The following WNT10A variants were observed in gnomAD, a reference collection of about 807,000 sequenced individuals.
WNT10A encodes the protein protein Wnt-10a.
A neutral mutation model predicts 36.1 loss-of-function variants in WNT10A; 37 were observed. The ratio of observed to expected loss-of-function variants is 1.02; its 90% CI spans 0.79 to 1.35. The LOEUF is 1.35. Ranked by LOEUF, WNT10A falls within the 40% of genes most tolerant of loss-of-function variation. The pLI is 0.00. For synonymous variants in WNT10A, 255 were observed against 254.1 expected, an observed-to-expected ratio of 1.00 and a Z score of -0.03; for missense variants, 613 against 601.4, an observed-to-expected ratio of 1.02 and a Z score of -0.20.
At chr2:218,880,687 G>T (rs942978860), upstream of WNT10A, 4 of 311,138 alleles carry the variant, frequency 1.3e-5, no homozygotes, top group African/African-American at 6.7e-5. The surrounding 1 kb of genome is among the most constrained non-coding windows in gnomAD (Gnocchi z 7.7). Context: ...GCACCTCCGG[G>T]CCCCCCTTAC....
In WNT10A at chr2:218,882,157, G is replaced by A; in HGVS notation, c.114-4G>A. On this transcript the variant is annotated splice_polypyrimidine_tract_variant and splice_region_variant and intron_variant, in intron 1 of 3. Coordinates refer to ENST00000258411, the MANE Select transcript of WNT10A (RefSeq NM_025216.3). ...CGTACCCACTCCACCCCATATGTCT[G>A]CAGGTCAGCACCCAATGACATTCTG... 6.2e-7 allele frequency: 1 copy of A among 1,613,928 alleles called. No individual in the cohort carries two copies.
intron 2 of WNT10A, among the ~76,000 whole-genome samples, chr2:218,883,051 T>G (rs1260543732): frequency 6.6e-6 from 1 of 152,178 alleles, no homozygotes; most frequent in Non-Finnish European, 1.5e-5. Context: ...CCCTAACAGC[T>G]CAGAGAAGCT....
chr2:218,885,704 G>A (rs1472604858), intron 2 of WNT10A, among the ~76,000 whole-genome samples: 2 of 152,202 alleles, frequency 1.3e-5, no homozygotes, highest in East Asian at 3.8e-4. Context: ...GCTCTCCACA[G>A]CCCCGGCCCA....
chr2:218,879,067 T>TG, upstream of WNT10A, among the ~76,000 whole-genome samples: 3 of 139,080 alleles, frequency 2.2e-5, no homozygotes, highest in South Asian at 2.3e-4. Flanking sequence ...GCCAGACTGC[T>TG]CCCCCCCCAC....
chr2:218,882,214 A>G lies in WNT10A; in HGVS notation c.167A>G (p.Asn56Ser), dbSNP rs1481386773. 1.9e-6 allele frequency: 3 copies of G among 1,614,164 alleles called. No homozygotes were observed. The highest frequency in any genetic ancestry group is 1.6e-4 in the Middle Eastern group (1 of 6,062). ...CGCCTCCCCCCGGAGCCCGTGCTCAATGCCAACACAGTGTGCCTAACATTG... is the reference window on the plus strand; with the variant it reads ...CGCCTCCCCCCGGAGCCCGTGCTCAGTGCCAACACAGTGTGCCTAACATTG... ...DLRLPPEPVLNANTVCLTLPG... is the reference protein window; with the variant it reads ...DLRLPPEPVLSANTVCLTLPG... The change falls in exon 2 of 4, where the codon AAT becomes AGT. Residue 56 changes from asparagine (N) to serine (S), a missense_variant. Asn to Ser is a conservative substitution (Grantham distance 46). Transcript: ENST00000258411.
Position 218,882,357 on chromosome 2 carries a change from C to T in WNT10A, c.310C>T (p.Arg104Cys), listed in dbSNP as rs764658964. The stretch of plus-strand genomic sequence containing the variant: ...ATGCCAACACCAATTCAGGGACCAG[C>T]GCTGGAACTGCTCAAGCCTGGAGAC... ...HECQHQFRDQ[R>C]WNCSSLETRN... The change falls in exon 2 of 4, where the codon CGC becomes TGC. Residue 104 changes from arginine to cysteine, a missense_variant. By Grantham distance (180) the Arg-to-Cys change is radical. Transcript: ENST00000258411. The T allele has an allele frequency of 6.2e-6, 10 of 1,614,066 alleles. No individual in the cohort carries two copies. In the East Asian group the frequency reaches 1.6e-4, roughly 25 times the overall value.
Position 218,892,842 on chromosome 2 carries a change from G to T in WNT10A, c.825G>T (p.Thr275=), listed in dbSNP as rs776303684. The T allele has an allele frequency of 1.3e-6, 2 of 1,590,820 alleles. No homozygotes were observed. Among genetic ancestry groups the T allele is most frequent in the South Asian group, 1.1e-5 (1 of 87,682 alleles). ...CGTCAGGCAGCTGCCAGCTCAAGAC[G>T]TGCTGGCAGGTGACGCCCGAGTTCC... is the stretch of plus-strand genomic sequence containing the variant. ...HGTSGSCQLK[T]CWQVTPEFRT... is the part of the protein sequence containing the mutation. The change falls in exon 4 of 4, where the codon ACG becomes ACT. Residue 275 remains threonine (T), a synonymous_variant. Transcript: ENST00000258411.
At chr2:218,877,266 A>G (rs1392388627), upstream of WNT10A, among the ~76,000 whole-genome samples, 1 of 152,204 alleles carries the variant, frequency 6.6e-6, no homozygotes, top group African/African-American at 2.4e-5. This position sits in a 1 kb window ranked among gnomAD's most constrained non-coding sequence, Gnocchi z 4.1. Flanking sequence ...TTTTTAGCAC[A>G]TTGTGAGAAT....
rs376559137 is a variant in WNT10A, at chr2:218,890,168, C to T, written c.561C>T (p.Gly187=). 1.7e-5 allele frequency: 27 copies of T among 1,614,042 alleles called. No homozygotes were observed. Among genetic ancestry groups the T allele is most frequent in the Non-Finnish European group, 2.2e-5 (26 of 1,180,018 alleles). ...TGGATGCACTGCAGCGTGGTAAGGG[C>T]CTGAGCCATGGGGTCCCGGAACACC... is the stretch of plus-strand genomic sequence containing the variant. ...LQLDALQRGK[G]LSHGVPEHPA... is the part of the protein sequence containing the mutation. The change falls in exon 3 of 4, where the codon GGC becomes GGT. Residue 187 remains glycine, a synonymous_variant. Coordinates refer to ENST00000258411, the MANE Select transcript of WNT10A (RefSeq NM_025216.3).
intron 2 of WNT10A, chr2:218,884,438 G>T (rs1156889039): frequency 6.6e-6 from 1 of 152,362 alleles, no homozygotes; most frequent in South Asian, 2.1e-4. Flanking sequence ...CAGTGGCTGG[G>T]CACTTTCCCT....
chr2:218,892,306 CACACACACA>C (rs1944661643), intron 3 of WNT10A, among the ~76,000 whole-genome samples: 1 of 540 alleles, frequency 1.9e-3, no homozygotes. Context: ...CACCCCACCA[CACACACACA>C]CACACACACA....
intron 3 of WNT10A, 79 bp downstream of exon 3, chr2:218,890,442 A>T: frequency 2.5e-6 from 4 of 1,588,272 alleles, no homozygotes; most frequent in Non-Finnish European, 3.4e-6. Context: ...CTCTCTTCTG[A>T]GGACCACGTT....
At chr2:218,889,751 G>C (rs1944623101) in intron 2 of WNT10A, among the ~76,000 whole-genome samples, 1 of 152,202 alleles carries the variant, frequency 6.6e-6, no homozygotes, top group South Asian at 2.1e-4. Context: ...CAGGAGAAGG[G>C]CGTACAAAAA....
rs762311530 is a variant in WNT10A, at chr2:218,882,394, T to C, written c.347T>C (p.Ile116Thr). The change falls in exon 2 of 4, where the codon ATC becomes ACC. Residue 116 changes from isoleucine (I) to threonine (T), a missense_variant. Physicochemically the swap from Ile to Thr is moderately conservative, Grantham distance 89 (BLOSUM62 -1). Transcript: ENST00000258411. ...NCSSLETRNKIPYESPIFSRG... is the reference protein window; with the variant it reads ...NCSSLETRNKTPYESPIFSRG... ...TCAAGCCTGGAGACTCGCAACAAGA[T>C]CCCCTATGAGAGTCCCATCTTCAGC... 2.0e-4 allele frequency: 315 copies of C among 1,613,842 alleles called. No homozygotes were observed. Among genetic ancestry groups the C allele is most frequent in the Admixed American group, 4.8e-4 (29 of 59,982 alleles).
chr2:218,887,712 A>G (rs573817146), intron 2 of WNT10A, among the ~76,000 whole-genome samples: 1 of 152,374 alleles, frequency 6.6e-6, no homozygotes, highest in South Asian at 2.1e-4. Flanking sequence ...ATCAGGGTGA[A>G]ACAAAAAACA....
intron 2 of WNT10A, among the ~76,000 whole-genome samples, chr2:218,883,658 C>CG (rs1457689843): frequency 6.6e-6 from 1 of 151,574 alleles, no homozygotes; most frequent in Non-Finnish European, 1.5e-5. Flanking sequence ...CTAATCCCCG[C>CG]GGGCCGCGGC....
intron 3 of WNT10A, 136 bp from the exon 4 acceptor site, chr2:218,892,638 T>G: frequency 7.2e-7 from 1 of 1,391,628 alleles, no homozygotes; most frequent in Non-Finnish European, 9.7e-7. Flanking sequence ...GACTGCCTGG[T>G]TGTGGGACCC....
intron 3 of WNT10A, among the ~76,000 whole-genome samples, chr2:218,892,126 T>C (rs1053547560): frequency 3.3e-5 from 5 of 152,032 alleles, no homozygotes; most frequent in African/African-American, 1.2e-4. Context: ...GGACGAACCA[T>C]GGGTCTCAGC....
chr2:218,876,786 C>T (rs553620577), upstream of WNT10A, among the ~76,000 whole-genome samples: 2 of 152,230 alleles, frequency 1.3e-5, no homozygotes, highest in African/African-American at 4.8e-5. Flanking sequence ...GCACTTCTCT[C>T]AGAGACCACC....
Sources: gnomAD v4.1 joint callset for allele counts (sites outside exome capture counted in the v4.1 genomes callset) on GRCh38, gnomAD v4.1.1 for gene constraint, Gnocchi (gnomAD v3.1) non-coding constraint, MANE v1.5 for transcripts, NCBI Gene and HGNC (gene_info 2026-07-23, HGNC 2026-07-21) for gene names.